The following PRELID2 variants were observed in gnomAD, a reference collection of about 807,000 sequenced individuals.
PRELID2 encodes PRELI domain containing 2, also known as PRELI domain-containing protein 2.
In PRELID2, 25 loss-of-function variants were observed where a neutral mutation model predicts 28.4. That is an observed-to-expected ratio of 0.88 (90% confidence interval 0.64 to 1.23). The LOEUF is 1.23. Among genes scored for constraint, PRELID2 ranks in the 50% most tolerant of loss-of-function variants. PRELID2 has a pLI of 0.00. For synonymous variants in PRELID2, 76 were observed against 71.6 expected, an observed-to-expected ratio of 1.06 and a Z score of -0.31; for missense variants, 201 against 214.4, an observed-to-expected ratio of 0.94 and a Z score of 0.39.
At chr5:145,744,540 C>T (rs1011573690) in intron 1 of PRELID2, among the ~76,000 whole-genome samples, 5 of 152,132 alleles carry the variant, frequency 3.3e-5, no homozygotes, top group South Asian at 2.1e-4. Flanking sequence ...TGAGTGACAT[C>T]GCCAGGCGCG....
At chr5:145,586,775 A>G (rs953917915) in intron 1 of PRELID2, among the ~76,000 whole-genome samples, 3 of 152,144 alleles carry the variant, frequency 2.0e-5, no homozygotes, top group Non-Finnish European at 4.4e-5. Flanking sequence ...TCCTAATAGT[A>G]CTGATGAGAA....
chr5:145,511,174 T>C (rs1752457445), intron 1 of PRELID2, among the ~76,000 whole-genome samples: 1 of 152,200 alleles, frequency 6.6e-6, no homozygotes, highest in African/African-American at 2.4e-5. Context: ...CCTGTCTTCA[T>C]AGGAACACAG....
chr5:145,543,610 T>G (rs1444222073), intron 1 of PRELID2, among the ~76,000 whole-genome samples: 1 of 152,148 alleles, frequency 6.6e-6, no homozygotes, highest in Non-Finnish European at 1.5e-5. Context: ...TTTCTTTCTC[T>G]GAAAGAACAG....
chr5:145,818,231 A>AG (rs1754513507), intron 3 of PRELID2, among the ~76,000 whole-genome samples, 177 bp from the exon 4 acceptor site: 1 of 152,164 alleles, frequency 6.6e-6, no homozygotes, highest in Non-Finnish European at 1.5e-5. Flanking sequence ...GACCTTACTA[A>AG]GTGCTGGTGA....
the PRELID2 span, among the ~76,000 whole-genome samples, chr5:145,375,239 G>T: frequency 9.2e-5 from 14 of 152,150 alleles, no homozygotes; most frequent in Middle Eastern, 6.8e-3. Flanking sequence ...CTTCTGTAGG[G>T]CTGCTGTGGT....
chr5:145,312,415 T>C, the PRELID2 span, among the ~76,000 whole-genome samples: 3 of 152,290 alleles, frequency 2.0e-5, no homozygotes, highest in East Asian at 3.9e-4. Context: ...GTATTAACTG[T>C]AGTCACCATG....
At chr5:145,495,985 G>T (rs1005159831) in intron 1 of PRELID2, among the ~76,000 whole-genome samples, 6 of 152,130 alleles carry the variant, frequency 3.9e-5, no homozygotes, top group African/African-American at 1.4e-4. Flanking sequence ...ATAATGCTAA[G>T]TTCCTTCACA....
chr5:145,312,483 CA>C, the PRELID2 span, among the ~76,000 whole-genome samples: 1 of 152,340 alleles, frequency 6.6e-6, no homozygotes, highest in South Asian at 2.1e-4. Flanking sequence ...TTGATCCCTT[CA>C]GCCAACGTCT....
At chr5:145,712,219 TTAAA>T (rs748403037) in intron 1 of PRELID2, among the ~76,000 whole-genome samples, 1 of 152,218 alleles carries the variant, frequency 6.6e-6, no homozygotes, top group Non-Finnish European at 1.5e-5. Flanking sequence ...TTATATACAC[TTAAA>T]TAAATGAATT....
At chr5:145,582,730 C>A (rs993242494) in intron 1 of PRELID2, among the ~76,000 whole-genome samples, 12 of 152,164 alleles carry the variant, frequency 7.9e-5, no homozygotes, top group African/African-American at 2.6e-4. Flanking sequence ...CACACACTCT[C>A]CCAAGACTGA....
intron 1 of PRELID2, among the ~76,000 whole-genome samples, chr5:145,580,401 T>C (rs1753098667): frequency 6.6e-6 from 1 of 152,056 alleles, no homozygotes; most frequent in African/African-American, 2.4e-5. Context: ...TCTGAGATAT[T>C]CAGTCACTCT....
At chr5:145,294,141 G>A in the PRELID2 span, among the ~76,000 whole-genome samples, 1 of 152,140 alleles carries the variant, frequency 6.6e-6, no homozygotes, top group Non-Finnish European at 1.5e-5. Context: ...ATGTGAGTCT[G>A]TTTTCTGGGC....
chr5:145,469,263 C>T (rs1752030634), downstream of PRELID2, among the ~76,000 whole-genome samples: 1 of 152,076 alleles, frequency 6.6e-6, no homozygotes, highest in Non-Finnish European at 1.5e-5. Context: ...GTCAGCTAAT[C>T]TCCACAATCT....
chr5:145,247,077 A>G, the PRELID2 span, among the ~76,000 whole-genome samples: 1 of 152,114 alleles, frequency 6.6e-6, no homozygotes, highest in East Asian at 1.9e-4. Context: ...TGCTTGAGAT[A>G]TTTTGCAGAC....
At chr5:145,261,576 A>G in the PRELID2 span, among the ~76,000 whole-genome samples, 1 of 152,180 alleles carries the variant, frequency 6.6e-6, no homozygotes, top group East Asian at 1.9e-4. Context: ...GGGTAGCTAG[A>G]TCCAGAGGAA....
At chr5:145,512,727 C>T (rs1449737062) in intron 1 of PRELID2, among the ~76,000 whole-genome samples, 1 of 152,204 alleles carries the variant, frequency 6.6e-6, no homozygotes, top group East Asian at 1.9e-4. Flanking sequence ...ACACCTCATA[C>T]AGAAGAGCAC....
chr5:145,763,256 G>A (rs916465675), intron 6 of PRELID2, among the ~76,000 whole-genome samples: 2 of 152,202 alleles, frequency 1.3e-5, no homozygotes, highest in African/African-American at 4.8e-5. Context: ...TGCTTAGTGA[G>A]CCTCACAAAT....
At chr5:145,418,367 T>A in the PRELID2 span, among the ~76,000 whole-genome samples, 1 of 152,070 alleles carries the variant, frequency 6.6e-6, no homozygotes, top group Non-Finnish European at 1.5e-5. Context: ...TTTATATTCT[T>A]CACAGAATTA....
At chr5:145,480,523 G>A (rs1028433065) in intron 1 of PRELID2, among the ~76,000 whole-genome samples, 2 of 152,102 alleles carry the variant, frequency 1.3e-5, no homozygotes, top group African/African-American at 4.8e-5. Context: ...ATATGTGTAT[G>A]TAAGTGTAAA....
Sources: gnomAD v4.1 joint callset for allele counts (sites outside exome capture counted in the v4.1 genomes callset) on GRCh38, gnomAD v4.1.1 for gene constraint, MANE v1.5 for transcripts, NCBI Gene and HGNC (gene_info 2026-07-23, HGNC 2026-07-21) for gene names.